PDE1A: variants seen among roughly 807,000 people sequenced by gnomAD.
The protein encoded by PDE1A is phosphodiesterase 1A, also known as dual specificity calcium/calmodulin-dependent 3',5'-cyclic nucleotide phosphodiesterase 1A.
A neutral mutation model predicts 61.7 loss-of-function variants in PDE1A; 35 were observed. The ratio of observed to expected loss-of-function variants is 0.57; its 90% CI spans 0.43 to 0.75. The LOEUF (loss-of-function observed/expected upper bound fraction) is 0.75. Among genes scored for constraint, PDE1A ranks in the 30% least tolerant of loss-of-function variants. The probability of loss-of-function intolerance (pLI) is 0.00; values close to 1 mark genes in which losing one functional copy is unlikely to be tolerated. For synonymous variants in PDE1A, 232 were observed against 213.2 expected, an observed-to-expected ratio of 1.09 and a Z score of -0.77; for missense variants, 597 against 630.6, an observed-to-expected ratio of 0.95 and a Z score of 0.57.
At chr2:182,498,954 A>G (rs1688905122) in intron 2 of PDE1A, among the ~76,000 whole-genome samples, 1 of 151,916 alleles carries the variant, frequency 6.6e-6, no homozygotes, top group African/African-American at 2.4e-5. Flanking sequence ...AAATAAAAAA[A>G]TAAAAAAATG....
At chr2:182,332,177 C>T (rs922812299) in intron 1 of PDE1A, among the ~76,000 whole-genome samples, 2 of 152,144 alleles carry the variant, frequency 1.3e-5, no homozygotes, top group Non-Finnish European at 2.9e-5. Flanking sequence ...ACAAAGTTCT[C>T]GTGCTGCATT....
At chr2:182,591,317 G>A in the PDE1A span, among the ~76,000 whole-genome samples, 1 of 152,108 alleles carries the variant, frequency 6.6e-6, no homozygotes, top group Non-Finnish European at 1.5e-5. Context: ...TTAGCAAGCA[G>A]GCACAAAAAC....
chr2:182,250,859 G>A (rs1169495812), intron 2 of PDE1A, among the ~76,000 whole-genome samples: 1 of 152,152 alleles, frequency 6.6e-6, no homozygotes, highest in Admixed American at 6.5e-5. Flanking sequence ...GGAAGCAAAG[G>A]TGGAGGCAGT....
chr2:182,535,022 C>T, the PDE1A span, among the ~76,000 whole-genome samples: 478 of 151,452 alleles, frequency 3.2e-3, 3 homozygotes, highest in African/African-American at 0.011. Context: ...GAACCATTTA[C>T]TAAAATTTTT....
Position 182,210,075 on chromosome 2 carries a change from G to A in PDE1A, c.777-4010C>T, listed in dbSNP as rs545903882. Among the ~76,000 whole-genome samples the A allele has an allele frequency of 1.0e-3, 153 of 152,248 alleles. 1 individual carries two copies. The highest frequency in any genetic ancestry group is 2.1e-3 in the South Asian group (10 of 4,820). ...GACATCTTGCTGGCTTCCAAGTTTT[G>A]GCAATTATGAATAAAGCTGCTATAA... On this transcript the variant is annotated intron_variant, in intron 7 of 13. Transcript: ENST00000351439.
chr2:182,435,820 A>T (rs761390250), intron 2 of PDE1A, among the ~76,000 whole-genome samples: 8 of 152,058 alleles, frequency 5.3e-5, no homozygotes, highest in Non-Finnish European at 8.8e-5. Flanking sequence ...ATATAATGCT[A>T]AATTGGATTA....
At chr2:182,637,675 A>C in the PDE1A span, among the ~76,000 whole-genome samples, 1 of 152,294 alleles carries the variant, frequency 6.6e-6, no homozygotes, top group East Asian at 1.9e-4. Context: ...TAATTCCTGC[A>C]CTTTGGGAGG....
intron 1 of PDE1A, among the ~76,000 whole-genome samples, chr2:182,318,857 T>TA (rs1696521219): frequency 6.6e-6 from 1 of 152,176 alleles, no homozygotes; most frequent in African/African-American, 2.4e-5. Context: ...TTAAAACCTT[T>TA]AAAAAGACTT....
At chr2:182,169,448 T>C (rs993318431) in intron 13 of PDE1A, among the ~76,000 whole-genome samples, 2 of 152,028 alleles carry the variant, frequency 1.3e-5, no homozygotes, top group African/African-American at 2.4e-5. Context: ...AAAGGCAGTA[T>C]TGGCTAAAAT....
upstream of PDE1A, among the ~76,000 whole-genome samples, chr2:182,429,702 T>C (rs1345497717): frequency 4.6e-5 from 7 of 152,244 alleles, no homozygotes; most frequent in East Asian, 1.4e-3. Context: ...CCCATGTGAC[T>C]TTTCCAACCA....
the PDE1A span, among the ~76,000 whole-genome samples, chr2:182,569,497 T>C: frequency 6.6e-6 from 1 of 152,038 alleles, no homozygotes; most frequent in Non-Finnish European, 1.5e-5. Context: ...TTGAGCTCCT[T>C]GGGCGTCAAG....
At chr2:182,611,282 TGAG>T in the PDE1A span, among the ~76,000 whole-genome samples, 1 of 152,078 alleles carries the variant, frequency 6.6e-6, no homozygotes, top group Admixed American at 6.6e-5. Context: ...GTTTACCACT[TGAG>T]GAGCGCAGGA....
chr2:182,713,363 T>G, the PDE1A span, among the ~76,000 whole-genome samples: 1 of 152,154 alleles, frequency 6.6e-6, no homozygotes, highest in African/African-American at 2.4e-5. Context: ...TAGACTACTT[T>G]AATTAATAAA....
At chr2:182,205,869 C>A in intron 8 of PDE1A, 71 bp downstream of exon 8, 1 of 1,376,104 alleles carries the variant, frequency 7.3e-7, no homozygotes, top group Non-Finnish European at 1.0e-6. Context: ...CATCTTTTTT[C>A]TTGACTTTAA....
chr2:182,610,087 CAAA>C, the PDE1A span, among the ~76,000 whole-genome samples: 3 of 127,318 alleles, frequency 2.4e-5, no homozygotes, highest in Non-Finnish European at 1.6e-5. Flanking sequence ...GACTCTATCT[CAAA>C]AAAAAAAAAA....
chr2:182,244,745 TTTTTGAAAATTGTTCA>T (rs1690824910), intron 2 of PDE1A, among the ~76,000 whole-genome samples: 1 of 152,138 alleles, frequency 6.6e-6, no homozygotes, highest in African/African-American at 2.4e-5. Flanking sequence ...TGTTGGTTTC[TTTTTGAAAATTGTTCA>T]TTCTTGTATG....
the PDE1A span, among the ~76,000 whole-genome samples, chr2:182,535,980 G>A: frequency 1.3e-5 from 2 of 152,132 alleles, no homozygotes; most frequent in Admixed American, 1.3e-4. Context: ...TAGGCACACT[G>A]AACATGCTAA....
the PDE1A span, among the ~76,000 whole-genome samples, chr2:182,643,408 G>A: frequency 1.3e-5 from 2 of 152,124 alleles, no homozygotes; most frequent in South Asian, 2.1e-4. Flanking sequence ...TCTGGGTCTG[G>A]CTCATCTTAT....
At chr2:182,280,138 G>A (rs562209832) in intron 1 of PDE1A, among the ~76,000 whole-genome samples, 1 of 149,792 alleles carries the variant, frequency 6.7e-6, no homozygotes, top group East Asian at 2.0e-4. Flanking sequence ...CATGCCTTTG[G>A]GTTTTTTTTA....
Sources: allele counts gnomAD v4.1 joint callset (sites outside exome capture counted in the v4.1 genomes callset), GRCh38; gene constraint gnomAD v4.1.1; transcripts MANE v1.5; gene names NCBI Gene and HGNC (gene_info 2026-07-23, HGNC 2026-07-21).